MBNL3: variants seen among roughly 807,000 people sequenced by gnomAD.
MBNL3 encodes muscleblind like splicing regulator 3.
Under a neutral mutation model 24.5 loss-of-function variants are expected in MBNL3, and 6 were observed. That is an observed-to-expected ratio of 0.25 (90% CI 0.13 to 0.48). The LOEUF (loss-of-function observed/expected upper bound fraction) is 0.48. Ranked by LOEUF, MBNL3 falls within the 20% of genes least tolerant of loss-of-function variation. MBNL3 has a pLI of 0.99. For synonymous variants in MBNL3, 100 were observed against 101.7 expected (o/e 0.98, Z 0.10); for missense variants, 230 against 293.5 (o/e 0.78, Z 1.58).
intron 1 of MBNL3, among the ~76,000 whole-genome samples, chrX:132,468,914 T>C (rs1308943180): frequency 8.9e-6 from 1 of 112,768 alleles, no homozygotes; most frequent in East Asian, 2.8e-4. Context: ...TATTACAATA[T>C]AGTATCATTT....
At chrX:132,421,685 A>C (rs191688121) in intron 2 of MBNL3, among the ~76,000 whole-genome samples, 8 of 112,260 alleles carry the variant, frequency 7.1e-5, no homozygotes, top group Non-Finnish European at 1.1e-4. Flanking sequence ...ATTTAGCATA[A>C]CGAACATCCA....
chrX:132,411,762 C>A (rs764346999), intron 2 of MBNL3, among the ~76,000 whole-genome samples: 161 of 111,683 alleles, frequency 1.4e-3, no homozygotes, highest in African/African-American at 4.7e-3. Flanking sequence ...TGTTTGCATG[C>A]TTGTCTCCTC....
intron 1 of MBNL3, among the ~76,000 whole-genome samples, chrX:132,456,201 C>T (rs1240832012): frequency 8.9e-6 from 1 of 112,028 alleles, no homozygotes; most frequent in East Asian, 2.8e-4. Flanking sequence ...TCTGTGAGCC[C>T]ATTTCTCCTG....
chrX:132,489,390 A>G (rs910101599), upstream of MBNL3, among the ~76,000 whole-genome samples: 18 of 111,794 alleles, frequency 1.6e-4, no homozygotes, highest in African/African-American at 5.5e-4. Flanking sequence ...GGTTCAGTCC[A>G]CTCGGAGCAC....
intron 2 of MBNL3, among the ~76,000 whole-genome samples, chrX:132,408,901 T>C (rs975154278): frequency 2.7e-5 from 3 of 112,432 alleles, no homozygotes; most frequent in Non-Finnish European, 5.6e-5. Flanking sequence ...ACCGAATCCA[T>C]AATTTAATTC....
chrX:132,474,451 C>T (rs1398741465), intron 1 of MBNL3, among the ~76,000 whole-genome samples: 1 of 111,292 alleles, frequency 9.0e-6, no homozygotes, highest in Non-Finnish European at 1.9e-5. Context: ...TGTCTTTCCC[C>T]CTCCTCCTTT....
At chrX:132,417,996 A>G (rs943308853) in intron 2 of MBNL3, among the ~76,000 whole-genome samples, 2 of 111,983 alleles carry the variant, frequency 1.8e-5, no homozygotes, top group Non-Finnish European at 3.8e-5. Flanking sequence ...AGACTCTTGC[A>G]TATAAGGTCA....
intron 1 of MBNL3, among the ~76,000 whole-genome samples, chrX:132,486,628 G>A (rs1182904078): frequency 1.8e-5 from 2 of 112,079 alleles, no homozygotes; most frequent in African/African-American, 6.5e-5. Context: ...AATGCCTTCC[G>A]TTTAAATTAA....
intron 3 of MBNL3, among the ~76,000 whole-genome samples, chrX:132,403,044 G>A (rs930060174): frequency 8.9e-6 from 1 of 111,847 alleles, no homozygotes; most frequent in Non-Finnish European, 1.9e-5. Context: ...CTATCTTAGA[G>A]ACAAGAATCA....
chrX:132,370,996 A>C lies in MBNL3; in HGVS notation c.*8670T>G, dbSNP rs1933561714. On this transcript the variant is annotated 3_prime_UTR_variant, in exon 9 of 9. Transcript: ENST00000370853. ...ATTCAGCAGCCTCAAAGAGAAAGAC[A>C]TTAACTGAATTCTGAAGAGGCCTAA... The C allele has an allele frequency of 8.9e-6, 1 of 111,744 alleles. No homozygotes were observed. Among genetic ancestry groups the C allele is most frequent in the Non-Finnish European group, 1.9e-5 (1 of 53,156 alleles). 9.2% of individuals were successfully genotyped at this position (111,744 alleles called of 1,213,427 possible).
intron 8 of MBNL3, 71 bp from the exon 9 acceptor site, chrX:132,379,748 A>G: frequency 1.1e-6 from 1 of 876,155 alleles, no homozygotes; most frequent in Non-Finnish European, 1.7e-6. Flanking sequence ...AAGAGTCAGG[A>G]GAGTGTGGTG....
At chrX:132,444,536 T>C (rs1945590807) in intron 1 of MBNL3, among the ~76,000 whole-genome samples, 1 of 111,733 alleles carries the variant, frequency 8.9e-6, no homozygotes, top group Non-Finnish European at 1.9e-5. Flanking sequence ...TGTTCATCTT[T>C]GGAATGTTTT....
chrX:132,449,991 C>A (rs978508520), intron 1 of MBNL3, among the ~76,000 whole-genome samples: 3 of 70,502 alleles, frequency 4.3e-5, no homozygotes, highest in Admixed American at 1.4e-4. Flanking sequence ...CCCCCCCCCC[C>A]CCGCCACTTC....
rs1482479094 is a variant in MBNL3, at chrX:132,375,158, C to G, written c.*4508G>C. The G allele has an allele frequency of 7.2e-5, 8 of 111,694 alleles. No homozygotes were observed. The highest frequency in any genetic ancestry group is 1.9e-4 in the Admixed American group (2 of 10,480). The allele number at this position is 111,694 out of a possible 1,213,427, so 9.2% of individuals were successfully genotyped here. A position where few individuals can be genotyped will look rare whatever the true frequency, so the allele number is the denominator to read the frequency against. On this transcript the variant is annotated 3_prime_UTR_variant, in exon 9 of 9. Transcript: ENST00000370853. ...TTTTGAGCTGTATTTTCTACAGGCT[C>G]ATACTGTCACAAATCACCTATAGTT...
chrX:132,445,237 T>G, intron 1 of MBNL3, among the ~76,000 whole-genome samples: 1 of 111,878 alleles, frequency 8.9e-6, no homozygotes, highest in Non-Finnish European at 1.9e-5. Context: ...ATGACACACC[T>G]GCCATACACT....
At chrX:132,424,894 CAT>C (rs1944166743) in intron 2 of MBNL3, among the ~76,000 whole-genome samples, 1 of 109,030 alleles carries the variant, frequency 9.2e-6, no homozygotes, top group African/African-American at 3.4e-5. Flanking sequence ...ATAAGTGAAA[CAT>C]ATTTAAATGT....
Position 132,433,950 on chromosome X carries a change from G to A in MBNL3, c.177+5485C>T, listed in dbSNP as rs182798730. Reference sequence around the variant, plus strand: ...ATCTCCTGCATGCCTCTCCTCAAAGGTCACCTCACTGGAGGCCTCCTGGCC... The same window carrying A: ...ATCTCCTGCATGCCTCTCCTCAAAGATCACCTCACTGGAGGCCTCCTGGCC... On this transcript the variant is annotated intron_variant, in intron 2 of 8. Coordinates refer to ENST00000370853, the MANE Select transcript of MBNL3 (RefSeq NM_001386889.1). 4.6e-3 allele frequency among the ~76,000 whole-genome samples: 514 copies of A among 112,395 alleles called. 3 individuals carry two copies. The highest frequency in any genetic ancestry group is 5.2e-3 in the Non-Finnish European group (276 of 53,207).
chrX:132,442,517 T>C (rs1274055861), intron 1 of MBNL3, among the ~76,000 whole-genome samples: 1 of 112,017 alleles, frequency 8.9e-6, no homozygotes, highest in Non-Finnish European at 1.9e-5. Flanking sequence ...AATTATATAG[T>C]CTGCCTGAAC....
intron 1 of MBNL3, among the ~76,000 whole-genome samples, chrX:132,459,659 T>C (rs1258800619): frequency 8.9e-6 from 1 of 112,222 alleles, no homozygotes; most frequent in Admixed American, 9.5e-5. Context: ...TATATTTTTT[T>C]CCCTTTTGCA....
Sources: allele counts gnomAD v4.1 joint callset (sites outside exome capture counted in the v4.1 genomes callset), GRCh38; gene constraint gnomAD v4.1.1; transcripts MANE v1.5; gene names NCBI Gene and HGNC (gene_info 2026-07-23, HGNC 2026-07-21).